The following GRID2 variants were observed in gnomAD, a reference collection of about 807,000 sequenced individuals.
The protein encoded by GRID2 is glutamate ionotropic receptor delta type subunit 2, also known as glutamate receptor ionotropic, delta-2.
A neutral mutation model predicts 114.8 loss-of-function variants in GRID2; 33 were observed. The observed-to-expected ratio is 0.29, with a 90% CI of 0.22 to 0.38. The LOEUF is 0.38. Ranked by LOEUF, GRID2 falls within the 10% of genes least tolerant of loss-of-function variation. GRID2 has a pLI of 1.00. For synonymous variants in GRID2, 505 were observed against 449.9 expected (o/e 1.12, Z -1.55); for missense variants, 1,184 against 1,257.7 (o/e 0.94, Z 0.89).
At chr4:92,505,926 A>G (rs1723943775) in intron 1 of GRID2, among the ~76,000 whole-genome samples, 1 of 151,994 alleles carries the variant, frequency 6.6e-6, no homozygotes, top group Non-Finnish European at 1.5e-5. Flanking sequence ...CAAGAATTAT[A>G]GAAGCTGGCA....
chr4:92,983,028 T>C (rs984624573), intron 2 of GRID2, among the ~76,000 whole-genome samples: 1 of 152,142 alleles, frequency 6.6e-6, no homozygotes, highest in Middle Eastern at 3.4e-3. Context: ...GGAAGCCAAG[T>C]ATCTACCGTC....
At chr4:93,183,172 T>C (rs1161385205) in intron 4 of GRID2, among the ~76,000 whole-genome samples, 1 of 152,060 alleles carries the variant, frequency 6.6e-6, no homozygotes, top group Non-Finnish European at 1.5e-5. Context: ...ACATAATATC[T>C]CAATTTTCAC....
intron 1 of GRID2, among the ~76,000 whole-genome samples, chr4:92,571,129 A>G (rs1292861162): frequency 6.6e-6 from 1 of 151,922 alleles, no homozygotes; most frequent in African/African-American, 2.4e-5. Flanking sequence ...CCTTCAATAC[A>G]TGGTTTATTG....
At chr4:92,317,917 A>T (rs1427279849) in intron 1 of GRID2, among the ~76,000 whole-genome samples, 2 of 152,198 alleles carry the variant, frequency 1.3e-5, no homozygotes, top group Non-Finnish European at 2.9e-5. Context: ...CATCATATTT[A>T]TGGTGATTTT....
chr4:93,391,789 A>G lies in GRID2; in HGVS notation c.1246-3818A>G, dbSNP rs541144419. Reference sequence around the variant, plus strand: ...ATTTAAAACTTGATCATTAGTACACATGTTAGGAGCAGGCTACTGTGCTCA... The same window carrying G: ...ATTTAAAACTTGATCATTAGTACACGTGTTAGGAGCAGGCTACTGTGCTCA... On this transcript the variant is annotated intron_variant, in intron 8 of 15. Coordinates refer to ENST00000282020, the MANE Select transcript of GRID2 (RefSeq NM_001510.4). Among the ~76,000 whole-genome samples the G allele has an allele frequency of 7.2e-5, 11 of 152,326 alleles. 1 individual carries two copies. In the South Asian group the frequency reaches 8.3e-4, roughly 11 times the overall value.
intron 1 of GRID2, among the ~76,000 whole-genome samples, chr4:92,454,138 C>A (rs1333179478): frequency 6.6e-6 from 1 of 152,100 alleles, no homozygotes; most frequent in Non-Finnish European, 1.5e-5. Flanking sequence ...GTTTTCTCTG[C>A]TATTACTTAC....
chr4:92,539,988 G>A (rs921861449), intron 1 of GRID2, among the ~76,000 whole-genome samples: 2 of 152,078 alleles, frequency 1.3e-5, no homozygotes, highest in African/African-American at 4.8e-5. Context: ...CAGAAATAAT[G>A]CTACGTATCT....
chr4:93,039,267 A>G (rs968478979), intron 2 of GRID2, among the ~76,000 whole-genome samples: 13 of 149,926 alleles, frequency 8.7e-5, no homozygotes, highest in African/African-American at 1.2e-4. Flanking sequence ...GAGTTGAACA[A>G]TGAGAACACA....
intron 13 of GRID2, among the ~76,000 whole-genome samples, chr4:93,564,958 T>C (rs1324738054): frequency 6.6e-6 from 1 of 152,036 alleles, no homozygotes; most frequent in Admixed American, 6.6e-5. Context: ...ACATTTTCAA[T>C]TAGAATGAGA....
chr4:92,990,471 T>C (rs941403948), intron 2 of GRID2, among the ~76,000 whole-genome samples: 5 of 151,516 alleles, frequency 3.3e-5, no homozygotes, highest in Non-Finnish European at 7.4e-5. Context: ...CACCACATCC[T>C]ACTAATTTTT....
rs537498511 is a variant in GRID2 at position 92,615,682 on chromosome 4, A to G, written c.244+25396A>G. The stretch of plus-strand genomic sequence containing the variant: ...TTTTATTGCTATACCTCATCATATT[A>G]TTCTGGCTATTCTTTTTTACTGTGA... On this transcript the variant is annotated intron_variant, in intron 2 of 15. Transcript: ENST00000282020. Among the ~76,000 whole-genome samples, 14 of 151,678 alleles carry G rather than the reference A, an allele frequency of 9.2e-5. No homozygotes were observed. In the South Asian group the frequency reaches 2.7e-3, roughly 29 times the overall value.
chr4:93,330,967 C>T (rs1758365984), intron 8 of GRID2, among the ~76,000 whole-genome samples: 2 of 152,196 alleles, frequency 1.3e-5, no homozygotes, highest in South Asian at 4.1e-4. Flanking sequence ...TCATAGCTGT[C>T]TCCCTACTCT....
chr4:93,281,865 A>G (rs1752683421), intron 8 of GRID2, among the ~76,000 whole-genome samples: 1 of 152,000 alleles, frequency 6.6e-6, no homozygotes, highest in South Asian at 2.1e-4. Flanking sequence ...AGCAAGTTAC[A>G]ACCCTCTAGA....
rs192912832 is a variant in GRID2, at chr4:93,591,762, A to C, written c.2194-34507A>C. Among the ~76,000 whole-genome samples, 9 of 152,290 alleles carry C rather than the reference A, an allele frequency of 5.9e-5. 1 individual carries two copies. In the East Asian group the frequency reaches 1.7e-3, roughly 29 times the overall value. On this transcript the variant is annotated intron_variant, in intron 13 of 15. Transcript: ENST00000282020. ...TGTTATTGGTGTATTCAGAGATTCA[A>C]CTTCTTCCTGGCTTAGTCTTGGGAG...
intron 2 of GRID2, among the ~76,000 whole-genome samples, chr4:92,909,678 C>A (rs974336785): frequency 1.3e-5 from 2 of 152,024 alleles, no homozygotes; most frequent in African/African-American, 2.4e-5. Context: ...TACAGGAATT[C>A]AGAGCTCCTT....
intron 6 of GRID2, among the ~76,000 whole-genome samples, chr4:93,218,292 A>G (rs980201010): frequency 6.6e-6 from 1 of 151,892 alleles, no homozygotes; most frequent in Non-Finnish European, 1.5e-5. Flanking sequence ...TTGAACCCAG[A>G]AGTTTGAGAC....
At chr4:93,058,531 A>G (rs1276186682) in intron 2 of GRID2, among the ~76,000 whole-genome samples, 1 of 151,766 alleles carries the variant, frequency 6.6e-6, no homozygotes, top group Non-Finnish European at 1.5e-5. Context: ...GCTTTTTTTT[A>G]GTTGTCCTTC....
chr4:93,644,727 T>C (rs13112912), intron 14 of GRID2, among the ~76,000 whole-genome samples: 70,073 of 151,872 alleles, frequency 0.46, 17,792 homozygotes, highest in African/African-American at 0.68. Flanking sequence ...GTAAAGTGAC[T>C]CAAAATCATT....
intron 14 of GRID2, among the ~76,000 whole-genome samples, chr4:93,662,447 A>C (rs768113177): frequency 6.6e-6 from 1 of 152,172 alleles, no homozygotes; most frequent in Non-Finnish European, 1.5e-5. Flanking sequence ...AGTGCCTAAA[A>C]GTTTTTGAAA....
Sources: gnomAD v4.1 joint callset for allele counts (sites outside exome capture counted in the v4.1 genomes callset) on GRCh38, gnomAD v4.1.1 for gene constraint, MANE v1.5 for transcripts, NCBI Gene and HGNC (gene_info 2026-07-23, HGNC 2026-07-21) for gene names.